Variants in CNBD1 observed in about 807,000 individuals in gnomAD.
CNBD1 encodes the protein cyclic nucleotide binding domain containing 1.
Under a neutral mutation model 54.4 loss-of-function variants are expected in CNBD1, and 71 were observed. That is an observed-to-expected ratio of 1.30 (90% confidence interval 1.08 to 1.59). The LOEUF (loss-of-function observed/expected upper bound fraction) is 1.59. Ranked by LOEUF, CNBD1 falls within the 40% of genes most tolerant of loss-of-function variation. The probability of loss-of-function intolerance (pLI) is 0.00; values close to 1 mark genes in which losing one functional copy is unlikely to be tolerated. For synonymous variants in CNBD1, 182 were observed against 170.7 expected, an observed-to-expected ratio of 1.07 and a Z score of -0.51; for missense variants, 659 against 518.0, an observed-to-expected ratio of 1.27 and a Z score of -2.64.
chr8:86,983,584 A>G (rs542164377), intron 4 of CNBD1, among the ~76,000 whole-genome samples: 1 of 152,334 alleles, frequency 6.6e-6, no homozygotes, highest in African/African-American at 2.4e-5. Flanking sequence ...TATGGACAAT[A>G]AAGTCCAGAC....
intron 4 of CNBD1, among the ~76,000 whole-genome samples, chr8:86,965,595 A>G (rs1808051993): frequency 6.6e-6 from 1 of 152,186 alleles, no homozygotes; most frequent in Non-Finnish European, 1.5e-5. Context: ...AAAAAAGGAC[A>G]GAAAGCAAAT....
intron 4 of CNBD1, among the ~76,000 whole-genome samples, chr8:87,024,911 A>C (rs1809599549): frequency 6.6e-6 from 1 of 152,220 alleles, no homozygotes; most frequent in African/African-American, 2.4e-5. Context: ...TAAATGCTCA[A>C]GTTAAAGCAT....
chr8:87,378,588 G>A (rs1193160566), intron 10 of CNBD1, among the ~76,000 whole-genome samples: 1 of 149,750 alleles, frequency 6.7e-6, no homozygotes, highest in African/African-American at 2.5e-5. Context: ...CAGGTAGTGT[G>A]ATGCCTCCAG....
In CNBD1 at chr8:87,284,705, C is replaced by T. The variant is rs1210406910; in HGVS notation, c.799C>T (p.Leu267=). The T allele has an allele frequency of 6.2e-7, 1 of 1,605,194 alleles. No homozygotes were observed. The highest frequency in any genetic ancestry group is 8.5e-7 in the Non-Finnish European group (1 of 1,176,338). ...TAGCAAATGGAGTACCTTTGGGACT[C>T]TGGAAGTTATGCCTCAGAATGAATC... ...MLSKWSTFGT[L]EVMPQNESET... is the part of the protein sequence containing the mutation. The change falls in exon 7 of 11, where the codon CTG becomes TTG. Residue 267 remains leucine, a synonymous_variant. Transcript: ENST00000518476.
chr8:87,262,244 G>A (rs1337121086), intron 6 of CNBD1, among the ~76,000 whole-genome samples: 3 of 152,160 alleles, frequency 2.0e-5, no homozygotes, highest in African/African-American at 4.8e-5. Context: ...AAAACTAGAA[G>A]CAGAATGTTA....
chr8:87,257,596 A>G (rs893235209), intron 6 of CNBD1, among the ~76,000 whole-genome samples: 2 of 152,100 alleles, frequency 1.3e-5, no homozygotes, highest in African/African-American at 4.8e-5. Context: ...AGAACCTTTA[A>G]TAGCAGAAGC....
At chr8:86,886,797 A>ATT (rs199706136) in intron 1 of CNBD1, among the ~76,000 whole-genome samples, 4 of 151,410 alleles carry the variant, frequency 2.6e-5, no homozygotes, top group African/African-American at 9.7e-5. Context: ...AGTATTTATT[A>ATT]TTTTTTTTTA....
At chr8:87,284,655 A>G (rs770742973) in intron 6 of CNBD1, 23 bp from the exon 7 acceptor site, 3 of 1,583,480 alleles carry the variant, frequency 1.9e-6, no homozygotes, top group Non-Finnish European at 2.6e-6. Context: ...ATAAACATTA[A>G]ATTGTCTCTG....
chr8:87,157,470 C>T (rs540949004), intron 4 of CNBD1, among the ~76,000 whole-genome samples: 276 of 152,248 alleles, frequency 1.8e-3, no homozygotes, highest in Non-Finnish European at 3.0e-3. Flanking sequence ...TAGTACCTCA[C>T]GCATTATGAC....
chr8:87,255,992 TATATATATATATATATATATATA>T (rs1563525963), intron 6 of CNBD1, among the ~76,000 whole-genome samples: 8 of 13,154 alleles, frequency 6.1e-4, no homozygotes, highest in African/African-American at 2.5e-3. Context: ...TATATATATA[TATATATATATATATATATATATA>T]TTTTTTTTTT....
chr8:86,975,445 T>A (rs994906861), intron 4 of CNBD1, among the ~76,000 whole-genome samples: 2 of 152,080 alleles, frequency 1.3e-5, no homozygotes, highest in Admixed American at 6.5e-5. Flanking sequence ...ATGTTTGACT[T>A]TTTTAGATTT....
At chr8:87,367,606 C>G (rs950165311) in intron 10 of CNBD1, among the ~76,000 whole-genome samples, 2 of 152,082 alleles carry the variant, frequency 1.3e-5, no homozygotes, top group Non-Finnish European at 2.9e-5. Flanking sequence ...TTTTTAATTA[C>G]CTTGAAGTAT....
intron 3 of CNBD1, among the ~76,000 whole-genome samples, chr8:86,908,946 C>T (rs181277471): frequency 8.1e-4 from 123 of 152,088 alleles, no homozygotes; most frequent in African/African-American, 2.9e-3. Context: ...TTAGTAGCGA[C>T]GAGGTTTCAC....
chr8:87,046,935 C>T (rs1230688970), intron 4 of CNBD1, among the ~76,000 whole-genome samples: 1 of 152,066 alleles, frequency 6.6e-6, no homozygotes, highest in African/African-American at 2.4e-5. Flanking sequence ...TTGGAAAGGA[C>T]CGTGTGTTAT....
intron 4 of CNBD1, among the ~76,000 whole-genome samples, chr8:87,204,964 T>A (rs537484884): frequency 6.6e-6 from 1 of 152,236 alleles, no homozygotes; most frequent in East Asian, 1.9e-4. Flanking sequence ...TTTAAACTTT[T>A]TTTTTTTTGC....
At chr8:87,338,818 G>A (rs1015129554) in intron 8 of CNBD1, among the ~76,000 whole-genome samples, 1 of 151,980 alleles carries the variant, frequency 6.6e-6, no homozygotes, top group Non-Finnish European at 1.5e-5. Context: ...TTTGTAGCCT[G>A]ACATGATGTA....
chr8:87,007,522 G>A (rs1221700060), intron 4 of CNBD1, among the ~76,000 whole-genome samples: 1 of 151,934 alleles, frequency 6.6e-6, no homozygotes, highest in Non-Finnish European at 1.5e-5. Context: ...TTTTGAACTG[G>A]TAATTCTATT....
chr8:87,224,081 A>G lies in CNBD1; in HGVS notation c.578-12838A>G, dbSNP rs1586341919. Among the ~76,000 whole-genome samples, 3 of 150,876 alleles carry G rather than the reference A, an allele frequency of 2.0e-5. No homozygotes were observed. The East Asian group carries it at 5.8e-4, about 29-fold the overall frequency. ...GTTCATGTCCTTCACCCACTTTTTG[A>G]TGGGGTTGTTTGTTTTTTTCTTGTA... On this transcript the variant is annotated intron_variant, in intron 5 of 10. Coordinates refer to ENST00000518476, the MANE Select transcript of CNBD1 (RefSeq NM_173538.3).
intron 4 of CNBD1, among the ~76,000 whole-genome samples, chr8:87,058,257 G>C (rs4626616): frequency 3.3e-5 from 5 of 152,024 alleles, no homozygotes; most frequent in Non-Finnish European, 5.9e-5. Flanking sequence ...GTTGCTTTGC[G>C]TACAATCCTC....
Sources: allele counts gnomAD v4.1 joint callset (sites outside exome capture counted in the v4.1 genomes callset), GRCh38; gene constraint gnomAD v4.1.1; transcripts MANE v1.5; gene names NCBI Gene and HGNC (gene_info 2026-07-23, HGNC 2026-07-21).